Variants in SOX6 observed in about 807,000 individuals in gnomAD.
SOX6 encodes SRY-box transcription factor 6.
SOX6 carries 11 observed loss-of-function variants against 97.8 expected under a neutral mutation model. The ratio of observed to expected loss-of-function variants is 0.11; its 90% CI spans 0.07 to 0.19. The LOEUF is 0.19. Ranked by LOEUF, SOX6 falls within the 10% of genes least tolerant of loss-of-function variation. The pLI is 1.00. For synonymous variants in SOX6, 360 were observed against 371.4 expected (o/e 0.97, Z 0.35); for missense variants, 810 against 1,039.5 (o/e 0.78, Z 3.04).
intron 4 of SOX6, among the ~76,000 whole-genome samples, chr11:16,489,067 A>G (rs1371875526): frequency 6.6e-6 from 1 of 152,180 alleles, no homozygotes; most frequent in Admixed American, 6.5e-5. Flanking sequence ...AAAAATAATA[A>G]AAGACTATGT....
intron 3 of SOX6, among the ~76,000 whole-genome samples, chr11:16,286,222 A>C (rs1854738503): frequency 6.6e-6 from 1 of 152,126 alleles, no homozygotes; most frequent in African/African-American, 2.4e-5. Context: ...TGCTAGATAA[A>C]AGCATCTCAG....
At chr11:16,448,357 CTG>C (rs2133093161) in intron 1 of SOX6, among the ~76,000 whole-genome samples, 1 of 152,286 alleles carries the variant, frequency 6.6e-6, no homozygotes, top group African/African-American at 2.4e-5. Flanking sequence ...ACTCATCAAA[CTG>C]TTATCTTGAA....
rs1389307532 is a variant in SOX6 at position 16,049,757 on chromosome 11, A to G, written c.1433T>C (p.Leu478Ser). Reference sequence around the variant, plus strand: ...CTGGTGTTGACTTTTCCATTTACCTAAAGAGGATCCTCTTCCCAGGCTTCC... The same window carrying G: ...CTGGTGTTGACTTTTCCATTTACCTGAAGAGGATCCTCTTCCCAGGCTTCC... The part of the protein sequence containing the change: ...IGGSLGRGSS[L>S]DILSSLNSPA... The change falls in exon 11 of 16, where the codon TTA (leucine) becomes TCA (serine). Residue 478 changes from leucine to serine, a missense_variant and splice_region_variant. Physicochemically the swap from Leu to Ser is moderately radical, Grantham distance 145. Coordinates refer to ENST00000683767, the MANE Select transcript of SOX6 (RefSeq NM_001367873.1). 1.2e-6 allele frequency: 2 copies of G among 1,613,236 alleles called. No homozygotes were observed. The highest frequency in any genetic ancestry group is 1.7e-6 in the Non-Finnish European group (2 of 1,179,778).
intron 1 of SOX6, among the ~76,000 whole-genome samples, chr11:16,396,659 A>G (rs1392824996): frequency 6.6e-6 from 1 of 151,572 alleles, no homozygotes; most frequent in Non-Finnish European, 1.5e-5. Context: ...TTCTGATTAC[A>G]TAGAGTTTCA....
chr11:16,230,063 T>C (rs891856695), intron 4 of SOX6, among the ~76,000 whole-genome samples: 9 of 151,958 alleles, frequency 5.9e-5, no homozygotes, highest in Admixed American at 4.6e-4. Flanking sequence ...CAGGGTTTAT[T>C]TCAATGACAA....
chr11:16,307,762 G>A (rs1160597363), intron 3 of SOX6, among the ~76,000 whole-genome samples: 1 of 152,172 alleles, frequency 6.6e-6, no homozygotes, highest in Non-Finnish European at 1.5e-5. Flanking sequence ...TAATGGTGCT[G>A]TTGCAAATAA....
At chr11:16,289,681 G>C (rs1036135762) in intron 3 of SOX6, among the ~76,000 whole-genome samples, 11 of 151,936 alleles carry the variant, frequency 7.2e-5, no homozygotes, top group Non-Finnish European at 1.5e-4. Context: ...AACTTTCTAG[G>C]TGCATCTGGG....
intron 1 of SOX6, among the ~76,000 whole-genome samples, chr11:16,410,868 C>T (rs1590193070): frequency 1.4e-5 from 2 of 146,828 alleles, no homozygotes; most frequent in African/African-American, 2.5e-5. Context: ...GAGGTTTTAT[C>T]TTTTTTCTTA....
intron 6 of SOX6, among the ~76,000 whole-genome samples, chr11:16,156,582 C>G (rs201223038): frequency 6.6e-6 from 1 of 151,968 alleles, no homozygotes; most frequent in Non-Finnish European, 1.5e-5. Flanking sequence ...GTCCTCCAAA[C>G]CTGATCATCA....
intron 3 of SOX6, among the ~76,000 whole-genome samples, chr11:16,657,623 T>G (rs1847732914): frequency 6.6e-6 from 1 of 152,242 alleles, no homozygotes; most frequent in Non-Finnish European, 1.5e-5. Flanking sequence ...GTCAAGGTTT[T>G]GTGTTGCTGT....
rs77750703 is a variant in SOX6 at position 16,512,090 on chromosome 11, A to G, written n.610-35702T>C. Among the ~76,000 whole-genome samples the G allele has an allele frequency of 3.5e-3, 539 of 152,274 alleles. 3 individuals are homozygous for G. The highest frequency in any genetic ancestry group is 5.6e-3 in the Non-Finnish European group (384 of 68,026). ...ATGAATCAGACATTTGCCTAAGGAC[A>G]ATAGAAACCAACCAAAACCTACCAT... On this transcript the variant is annotated intron_variant and non_coding_transcript_variant, in intron 4 of 5. Coordinates refer to the SOX6 transcript ENST00000524520.
At chr11:16,318,030 T>A (rs757008018) in intron 3 of SOX6, 19 of 422,448 alleles carry the variant, frequency 4.5e-5, no homozygotes, top group South Asian at 1.6e-4. Flanking sequence ...AAATAATATA[T>A]TTATAAAAAT....
intron 1 of SOX6, among the ~76,000 whole-genome samples, chr11:16,395,700 G>C (rs977527692): frequency 6.6e-6 from 1 of 151,710 alleles, no homozygotes; most frequent in Non-Finnish European, 1.5e-5. Context: ...CCAAAGAATG[G>C]TAGGTGGGGT....
chr11:16,426,190 A>T (rs1364209051), intron 1 of SOX6, among the ~76,000 whole-genome samples: 2 of 133,586 alleles, frequency 1.5e-5, no homozygotes, highest in Non-Finnish European at 3.1e-5. Context: ...CGGGAGGCAG[A>T]GCTTGCAGTG....
intron 4 of SOX6, among the ~76,000 whole-genome samples, chr11:16,550,129 G>C (rs1029877642): frequency 6.6e-6 from 1 of 152,068 alleles, no homozygotes; most frequent in African/African-American, 2.4e-5. Flanking sequence ...TGGAATACTA[G>C]GCAGCCATAA....
intron 6 of SOX6, among the ~76,000 whole-genome samples, chr11:16,181,235 A>G (rs2134098223): frequency 6.6e-6 from 1 of 151,816 alleles, no homozygotes; most frequent in South Asian, 2.1e-4. Flanking sequence ...AGGACTCAAG[A>G]TATAAAAAGA....
chr11:16,674,672 T>C (rs1787808208), intron 3 of SOX6, among the ~76,000 whole-genome samples: 1 of 149,266 alleles, frequency 6.7e-6, no homozygotes, highest in South Asian at 2.1e-4. Context: ...CAGCCAAGGC[T>C]GGGCATGGTA....
At chr11:16,440,955 C>A (rs943759622) in intron 1 of SOX6, among the ~76,000 whole-genome samples, 1 of 152,066 alleles carries the variant, frequency 6.6e-6, no homozygotes. Context: ...TTTCATACTG[C>A]CTGTCAAATT....
chr11:16,316,390 A>C (rs1855759015), intron 3 of SOX6: 2 of 151,122 alleles, frequency 1.3e-5, no homozygotes, highest in South Asian at 4.1e-4. Flanking sequence ...TATTATATAC[A>C]TTAATATATA....
Sources: allele counts gnomAD v4.1 joint callset (sites outside exome capture counted in the v4.1 genomes callset), GRCh38; gene constraint gnomAD v4.1.1; transcripts MANE v1.5; gene names NCBI Gene and HGNC (gene_info 2026-07-23, HGNC 2026-07-21).